The following CCDC13 variants were observed in gnomAD, a reference collection of about 807,000 sequenced individuals.
CCDC13 encodes coiled-coil domain containing 13, also known as coiled-coil domain-containing protein 13.
In CCDC13, 70 loss-of-function variants were observed where a neutral mutation model predicts 87.3. That is an observed-to-expected ratio of 0.80 (90% CI 0.66 to 0.98). CCDC13 has a LOEUF of 0.98. Ranked by LOEUF, CCDC13 falls within the 50% of genes least tolerant of loss-of-function variation. The pLI is 0.00. For missense variants in CCDC13, 842 were observed against 892.0 expected (o/e 0.94, Z 0.71); for synonymous variants, 317 against 360.3 (o/e 0.88, Z 1.36).
chr3:42,761,963 A>G (rs969016498), intron 1 of CCDC13, among the ~76,000 whole-genome samples: 5 of 152,168 alleles, frequency 3.3e-5, no homozygotes, highest in Non-Finnish European at 5.9e-5. Context: ...GTACCTTCTT[A>G]ATATACTTAT....
At chr3:42,717,814 G>A (rs1204026583) in intron 13 of CCDC13, among the ~76,000 whole-genome samples, 1 of 152,212 alleles carries the variant, frequency 6.6e-6, no homozygotes, top group South Asian at 2.1e-4. Flanking sequence ...GCTCACTCAG[G>A]TTGTTAGCAG....
intron 5 of CCDC13, among the ~76,000 whole-genome samples, chr3:42,748,092 C>T (rs1426659288): frequency 6.6e-6 from 1 of 151,380 alleles, no homozygotes; most frequent in African/African-American, 2.4e-5. Flanking sequence ...TTTTTTTAAC[C>T]CAATGTTTTA....
rs201862149 is a variant in CCDC13, at chr3:42,735,724, C to T, written c.1354G>A (p.Gly452Arg). 8.7e-6 allele frequency: 14 copies of T among 1,614,176 alleles called. No individual in the cohort carries two copies. The highest frequency in any genetic ancestry group is 2.7e-5 in the African/African-American group (2 of 75,064). ...AKVRQLEMEI[G>R]QLNVHYLRNK... ...CTACTCACGTGCACATTGAGTTGTC[C>T]GATCTCCATCTCCAGCTGTCGCACT... Residue 452 changes from glycine to arginine, a missense_variant, in exon 10 of 16, where the codon GGA becomes AGA. Coordinates refer to ENST00000310232, the MANE Select transcript of CCDC13 (RefSeq NM_144719.4).
intron 4 of CCDC13, 100 bp from the exon 5 acceptor site, chr3:42,752,125 G>A (rs575623595): frequency 9.7e-7 from 1 of 1,028,824 alleles, no homozygotes; most frequent in African/African-American, 1.6e-5. Context: ...TATCTTGGTG[G>A]TGTGTCCTTT....
chr3:42,730,023 G>A (rs1208691080), intron 13 of CCDC13, among the ~76,000 whole-genome samples: 9 of 152,056 alleles, frequency 5.9e-5, no homozygotes, highest in Admixed American at 3.3e-4. Flanking sequence ...CTCAGGCCTC[G>A]TGCTTCCCTC....
intron 13 of CCDC13, among the ~76,000 whole-genome samples, chr3:42,723,643 G>A (rs533779778): frequency 6.6e-5 from 10 of 152,196 alleles, no homozygotes; most frequent in Middle Eastern, 6.8e-3. Context: ...ATTCAACATC[G>A]GAATTAGGTT....
intron 13 of CCDC13, chr3:42,718,007 C>A (rs778415971): frequency 6.6e-6 from 1 of 152,208 alleles, no homozygotes; most frequent in African/African-American, 2.4e-5. Flanking sequence ...AACCATCCAC[C>A]GCCATGTTGT....
intron 9 of CCDC13, among the ~76,000 whole-genome samples, chr3:42,738,713 G>A (rs1283995719): frequency 6.6e-6 from 1 of 152,160 alleles, no homozygotes; most frequent in Non-Finnish European, 1.5e-5. Flanking sequence ...CTCTCTGTTT[G>A]TCTGTTACTG....
Position 42,722,090 on chromosome 3 carries a change from G to C in CCDC13, c.1718+8377C>G, listed in dbSNP as rs188959822. ...ATATTGCTGTTGTACTCTTTGTATA[G>C]GAATGCAGGATAAGCTTACTGAATA... On this transcript the variant is annotated intron_variant, in intron 13 of 15. Transcript: ENST00000310232. 2.5e-3 allele frequency among the ~76,000 whole-genome samples: 388 copies of C among 152,282 alleles called. 2 individuals carry two copies. The highest frequency in any genetic ancestry group is 3.9e-3 in the Admixed American group (60 of 15,304).
chr3:42,752,824 A>T, intron 3 of CCDC13, 107 bp from the exon 4 acceptor site: 1 of 1,379,698 alleles, frequency 7.2e-7, no homozygotes, highest in Non-Finnish European at 1.0e-6. Context: ...GCTGCTTGGC[A>T]TGAATGCTCA....
chr3:42,712,414 A>G (rs1232012730), intron 14 of CCDC13, among the ~76,000 whole-genome samples: 1 of 152,146 alleles, frequency 6.6e-6, no homozygotes. Flanking sequence ...GCCCCACAGG[A>G]TGCTGATGCT....
downstream of CCDC13, among the ~76,000 whole-genome samples, chr3:42,705,293 C>T (rs1001013270): frequency 1.3e-5 from 2 of 152,098 alleles, no homozygotes; most frequent in African/African-American, 2.4e-5. Flanking sequence ...CAGAGGAGCA[C>T]ACCCACTGGA....
chr3:42,727,452 C>T (rs6771329), intron 13 of CCDC13, among the ~76,000 whole-genome samples: 3,090 of 151,568 alleles, frequency 0.02, 97 homozygotes, highest in African/African-American at 0.071. Context: ...ATTTACATGG[C>T]CTCACTGAAC....
intron 13 of CCDC13, among the ~76,000 whole-genome samples, chr3:42,726,322 A>C (rs1698687464): frequency 6.6e-6 from 1 of 152,178 alleles, no homozygotes; most frequent in African/African-American, 2.4e-5. Flanking sequence ...GATTACAGGC[A>C]TGAGCCACTG....
At chr3:42,749,726 G>C (rs1444605039) in intron 5 of CCDC13, 1 of 366,312 alleles carries the variant, frequency 2.7e-6, no homozygotes, top group Non-Finnish European at 5.4e-6. Flanking sequence ...ACCTGGGTAT[G>C]GGTACGCTCC....
At chr3:42,761,657 G>A (rs1699833894) in intron 1 of CCDC13, among the ~76,000 whole-genome samples, 1 of 152,146 alleles carries the variant, frequency 6.6e-6, no homozygotes, top group South Asian at 2.1e-4. Flanking sequence ...CCACAGCTCT[G>A]AGCCTGACAG....
At chr3:42,749,931 G>C (rs1699530234) in intron 5 of CCDC13, 1 of 456,532 alleles carries the variant, frequency 2.2e-6, no homozygotes, top group Non-Finnish European at 4.4e-6. Flanking sequence ...TCTGGAGTGT[G>C]GCTCGGGCTT....
Position 42,751,998 on chromosome 3 carries a change from C to G in CCDC13, c.541G>C (p.Ala181Pro). 1 of 1,608,938 alleles carries G rather than the reference C, an allele frequency of 6.2e-7. No homozygotes were observed. The highest frequency in any genetic ancestry group is 1.3e-5 in the African/African-American group (1 of 75,062). ...ELQTALTRLS[A>P]KGATDAGAKP... ...GCTCCTGCGTCGGTGGCCCCCTTGGCTGACAGCCTGGTCAGGGCTGTCTGC... is the reference window on the plus strand; with the variant it reads ...GCTCCTGCGTCGGTGGCCCCCTTGGGTGACAGCCTGGTCAGGGCTGTCTGC... The change falls in exon 5 of 16, where the codon GCC becomes CCC. Residue 181 changes from alanine (A) to proline (P), a missense_variant. Transcript: ENST00000310232.
intron 8 of CCDC13, among the ~76,000 whole-genome samples, chr3:42,742,126 C>T (rs187159520): frequency 6.6e-6 from 1 of 152,340 alleles, no homozygotes; most frequent in Non-Finnish European, 1.5e-5. Flanking sequence ...AACTCATCCC[C>T]TCAAACCTTG....
Sources: allele counts gnomAD v4.1 joint callset (sites outside exome capture counted in the v4.1 genomes callset), GRCh38; gene constraint gnomAD v4.1.1; transcripts MANE v1.5; gene names NCBI Gene and HGNC (gene_info 2026-07-23, HGNC 2026-07-21).